Variants in LZTFL1 observed in about 807,000 individuals in gnomAD.
The protein encoded by LZTFL1 is leucine zipper transcription factor like 1.
LZTFL1 carries 25 observed loss-of-function variants against 45.9 expected under a neutral mutation model. That is an observed-to-expected ratio of 0.54 (90% confidence interval 0.40 to 0.76). The LOEUF (loss-of-function observed/expected upper bound fraction) is 0.76, where lower values mean the gene tolerates loss of function less well. Ranked by LOEUF, LZTFL1 falls within the 30% of genes least tolerant of loss-of-function variation. The probability of loss-of-function intolerance (pLI) is 0.00; values close to 1 mark genes in which losing one functional copy is unlikely to be tolerated. For missense variants in LZTFL1, 277 were observed against 331.1 expected (o/e 0.84, Z 1.27); for synonymous variants, 93 against 117.4 (o/e 0.79, Z 1.35).
intron 2 of LZTFL1, chr3:45,883,839 C>T (rs1317310717): frequency 3.7e-6 from 2 of 541,390 alleles, no homozygotes; most frequent in Non-Finnish European, 6.9e-6. Context: ...ACGGAGTAGG[C>T]CATCACAGAG....
intron 2 of LZTFL1, among the ~76,000 whole-genome samples, chr3:45,895,581 G>T (rs1275319169): frequency 6.6e-6 from 1 of 152,196 alleles, no homozygotes; most frequent in East Asian, 1.9e-4. Flanking sequence ...AGGTGTGGTG[G>T]CATGCGCATG....
intron 2 of LZTFL1, among the ~76,000 whole-genome samples, chr3:45,872,800 A>G (rs773260214): frequency 6.6e-6 from 1 of 152,114 alleles, no homozygotes; most frequent in Non-Finnish European, 1.5e-5. Flanking sequence ...GGGGGAGGGG[A>G]TTCCAGATAA....
At chr3:45,835,549 T>C (rs1700943447) in intron 3 of LZTFL1, 41 bp downstream of exon 3, 2 of 1,557,258 alleles carry the variant, frequency 1.3e-6, no homozygotes, top group Admixed American at 3.3e-5. Flanking sequence ...AGATTATGCT[T>C]GGGCCATTAT....
chr3:45,907,476 T>G (rs955622511), intron 2 of LZTFL1, among the ~76,000 whole-genome samples: 7 of 152,246 alleles, frequency 4.6e-5, no homozygotes, highest in Admixed American at 2.6e-4. Context: ...CTGCAGACTC[T>G]CCACTTTCTA....
chr3:45,872,556 C>G (rs1470796417), intron 2 of LZTFL1, among the ~76,000 whole-genome samples: 1 of 152,156 alleles, frequency 6.6e-6, no homozygotes, highest in Non-Finnish European at 1.5e-5. Context: ...TCCTGGGGGG[C>G]TTGTTGAAGT....
intron 2 of LZTFL1, among the ~76,000 whole-genome samples, chr3:45,890,814 T>C (rs1702155977): frequency 6.6e-6 from 1 of 152,218 alleles, no homozygotes; most frequent in Non-Finnish European, 1.5e-5. Context: ...CAGAGGGGAA[T>C]GTTTAAATGA....
chr3:45,879,153 C>T (rs932638645), intron 2 of LZTFL1, among the ~76,000 whole-genome samples: 1 of 152,228 alleles, frequency 6.6e-6, no homozygotes, highest in Non-Finnish European at 1.5e-5. Flanking sequence ...AATCGTGCTT[C>T]TCAGTATGTA....
chr3:45,845,457 G>A (rs1431065215), upstream of LZTFL1, among the ~76,000 whole-genome samples: 1 of 152,208 alleles, frequency 6.6e-6, no homozygotes, highest in East Asian at 1.9e-4. Context: ...TAACAGGAGT[G>A]TGGAAAAGTT....
chr3:45,911,480 C>G (rs1354252037), intron 2 of LZTFL1, among the ~76,000 whole-genome samples: 1 of 152,232 alleles, frequency 6.6e-6, no homozygotes, highest in African/African-American at 2.4e-5. Flanking sequence ...GGTAGTGGCA[C>G]TAGGAGTTGG....
upstream of LZTFL1, among the ~76,000 whole-genome samples, chr3:45,845,673 C>G (rs1483492778): frequency 1.3e-5 from 2 of 152,190 alleles, no homozygotes; most frequent in African/African-American, 4.8e-5. Context: ...CTTCCTAGAT[C>G]TGTGGTCTTC....
At chr3:45,904,441 TC>T (rs1264631199) in intron 2 of LZTFL1, among the ~76,000 whole-genome samples, 1 of 152,220 alleles carries the variant, frequency 6.6e-6, no homozygotes, top group Non-Finnish European at 1.5e-5. Flanking sequence ...AGCTTTGGTG[TC>T]CAAGGCTTTG....
At chr3:45,837,531 A>G (rs1030475837) in intron 2 of LZTFL1, among the ~76,000 whole-genome samples, 4 of 152,336 alleles carry the variant, frequency 2.6e-5, no homozygotes, top group African/African-American at 7.2e-5. Context: ...TCTACTAATT[A>G]TTCAGTATGA....
rs373034196 is a variant in LZTFL1 at position 45,828,494 on chromosome 3, G to T, written c.722C>A (p.Ala241Glu). 3 of 1,614,108 alleles carry T rather than the reference G, an allele frequency of 1.9e-6. No individual in the cohort carries two copies. In the Admixed American group the frequency reaches 5.0e-5, roughly 27 times the overall value. Residue 241 changes from alanine (A) to glutamate (E), a missense_variant, in exon 8 of 10, where the codon GCG (alanine) becomes GAG (glutamate). By Grantham distance (107) the Ala-to-Glu change is moderately radical (BLOSUM62 -1). Coordinates refer to ENST00000296135, the MANE Select transcript of LZTFL1 (RefSeq NM_020347.4). ...CCTGAGTAGATCGTGCTTGGCTGTC[G>T]CCAGATTCTCCTCCAGTGACTTCTG... ...ENQKSLEENLATAKHDLLRVQ... is the reference protein window; with the variant it reads ...ENQKSLEENLETAKHDLLRVQ...
chr3:45,882,503 A>T (rs1701877867), intron 2 of LZTFL1, among the ~76,000 whole-genome samples: 1 of 152,236 alleles, frequency 6.6e-6, no homozygotes, highest in Admixed American at 6.5e-5. Context: ...AATCTATAGT[A>T]GTTTTCAATT....
intron 1 of LZTFL1, among the ~76,000 whole-genome samples, chr3:45,913,580 T>C (rs1456050414): frequency 6.6e-6 from 1 of 152,204 alleles, no homozygotes; most frequent in African/African-American, 2.4e-5. Flanking sequence ...GAAATTGTCA[T>C]GTAATACAAA....
chr3:45,909,763 C>A (rs1202243114), intron 2 of LZTFL1, among the ~76,000 whole-genome samples: 1 of 152,222 alleles, frequency 6.6e-6, no homozygotes, highest in African/African-American at 2.4e-5. Flanking sequence ...GGCACTTTCT[C>A]AGGGGGGTAA....
intron 3 of LZTFL1, chr3:45,835,293 G>A (rs1700935876): frequency 3.1e-6 from 1 of 322,862 alleles, no homozygotes; most frequent in Middle Eastern, 8.8e-4. Flanking sequence ...AAAGACTGAT[G>A]GTAATACTGA....
At chr3:45,893,695 T>C (rs1320058064) in intron 2 of LZTFL1, among the ~76,000 whole-genome samples, 1 of 152,244 alleles carries the variant, frequency 6.6e-6, no homozygotes, top group East Asian at 1.9e-4. Context: ...TACTACTTGA[T>C]GGACATTTAG....
chr3:45,877,208 G>A (rs1438721539), intron 2 of LZTFL1, among the ~76,000 whole-genome samples: 1 of 151,746 alleles, frequency 6.6e-6, no homozygotes, highest in East Asian at 1.9e-4. Flanking sequence ...TGTGAGTGCT[G>A]CTTCACCTTT....
Sources: gnomAD v4.1 joint callset for allele counts (sites outside exome capture counted in the v4.1 genomes callset) on GRCh38, gnomAD v4.1.1 for gene constraint, MANE v1.5 for transcripts, NCBI Gene and HGNC (gene_info 2026-07-23, HGNC 2026-07-21) for gene names.